LOC400499: variants seen among roughly 807,000 people sequenced by gnomAD.
At chr16:11,488,939 A>C in the LOC400499 span, 6 of 397,406 alleles carry the variant, frequency 1.5e-5, no homozygotes, top group Non-Finnish European at 2.7e-5. Flanking sequence ...TCCAGAGAAA[A>C]GACCCTCCCG....
At chr16:11,498,501 ATAAT>A in the LOC400499 span, among the ~76,000 whole-genome samples, 42 of 151,966 alleles carry the variant, frequency 2.8e-4, 1 homozygote, top group Admixed American at 1.5e-3. Context: ...TAATGATTAA[ATAAT>A]TAAATAAATA....
the LOC400499 span, chr16:11,502,192 A>AG: frequency 1.5e-5 from 6 of 398,916 alleles, no homozygotes; most frequent in African/African-American, 4.1e-5. Flanking sequence ...TGCGATTCAG[A>AG]GGGGGCAGCA....
the LOC400499 span, among the ~76,000 whole-genome samples, chr16:11,454,120 C>G: frequency 6.6e-6 from 1 of 152,176 alleles, no homozygotes; most frequent in African/African-American, 2.4e-5. Context: ...GGGTCACATA[C>G]AAAAGATGAT....
the LOC400499 span, chr16:11,494,569 C>A: frequency 2.5e-6 from 1 of 392,604 alleles, no homozygotes; most frequent in East Asian, 3.6e-5. Context: ...CACTGGATGT[C>A]CTCACCTTGT....
the LOC400499 span, chr16:11,401,540 C>A: frequency 2.5e-6 from 1 of 398,114 alleles, no homozygotes; most frequent in African/African-American, 2.1e-5. Flanking sequence ...AAACCCCATC[C>A]CTGTGCAAGG....
At chr16:11,399,099 G>C in the LOC400499 span, 167 of 510,816 alleles carry the variant, frequency 3.3e-4, 4 homozygotes, top group East Asian at 0.018. Flanking sequence ...AACAGTGCTC[G>C]GCCCCATGAG....
chr16:11,413,073 T>G, the LOC400499 span: 3 of 396,078 alleles, frequency 7.6e-6, no homozygotes, highest in Non-Finnish European at 1.3e-5. Flanking sequence ...AAGCCCAGCA[T>G]GGCCTGGCTC....
chr16:11,515,589 G>T, the LOC400499 span, among the ~76,000 whole-genome samples: 1 of 151,410 alleles, frequency 6.6e-6, no homozygotes, highest in Non-Finnish European at 1.5e-5. Context: ...GGAAGGGGAA[G>T]GGAGGAGAGG....
the LOC400499 span, chr16:11,414,299 A>G: frequency 1.5e-5 from 6 of 399,166 alleles, no homozygotes; most frequent in African/African-American, 1.0e-4. Flanking sequence ...TTGGACAGAG[A>G]GAACAGAATG....
At chr16:11,437,632 C>T in the LOC400499 span, among the ~76,000 whole-genome samples, 4 of 152,164 alleles carry the variant, frequency 2.6e-5, no homozygotes, top group African/African-American at 9.7e-5. Flanking sequence ...CTTTGGAAGG[C>T]TGGGGCAGGC....
chr16:11,398,165 A>G, the LOC400499 span, among the ~76,000 whole-genome samples: 318 of 152,270 alleles, frequency 2.1e-3, 2 homozygotes, highest in African/African-American at 7.5e-3. Flanking sequence ...CAGATGAAAC[A>G]CCAGAGGCTC....
chr16:11,441,843 T>C, the LOC400499 span, among the ~76,000 whole-genome samples: 1 of 152,242 alleles, frequency 6.6e-6, no homozygotes, highest in Non-Finnish European at 1.5e-5. Context: ...ACAACCCTGC[T>C]AATACCTTGA....
chr16:11,408,095 G>A, the LOC400499 span, among the ~76,000 whole-genome samples: 5 of 145,806 alleles, frequency 3.4e-5, no homozygotes, highest in Non-Finnish European at 5.9e-5. Context: ...TGATTCTTCT[G>A]CCTCAGCCTC....
At chr16:11,463,670 G>A in the LOC400499 span, among the ~76,000 whole-genome samples, 1 of 152,144 alleles carries the variant, frequency 6.6e-6, no homozygotes. Context: ...GATGTGTATG[G>A]ATGTGTGTGT....
chr16:11,391,750 G>C, the LOC400499 span: 5 of 1,232,062 alleles, frequency 4.1e-6, no homozygotes, highest in East Asian at 3.2e-5. Flanking sequence ...GCCTGGCTCC[G>C]GGCCCACAAA....
chr16:11,505,750 G>A, the LOC400499 span, among the ~76,000 whole-genome samples: 3 of 151,832 alleles, frequency 2.0e-5, no homozygotes, highest in South Asian at 6.3e-4. Flanking sequence ...TGCCCGGCCT[G>A]TTTACTTGTT....
the LOC400499 span, among the ~76,000 whole-genome samples, chr16:11,466,622 C>G: frequency 6.6e-6 from 1 of 152,096 alleles, no homozygotes; most frequent in African/African-American, 2.4e-5. Flanking sequence ...CTCCTGACCT[C>G]AGGTGAGCCA....
At chr16:11,524,623 G>C in the LOC400499 span, among the ~76,000 whole-genome samples, 2 of 152,122 alleles carry the variant, frequency 1.3e-5, no homozygotes, top group Non-Finnish European at 2.9e-5. Flanking sequence ...CCATCGAAGG[G>C]GCAGAGGACA....
chr16:11,452,674 T>G, the LOC400499 span, among the ~76,000 whole-genome samples: 4 of 152,236 alleles, frequency 2.6e-5, no homozygotes, highest in African/African-American at 7.2e-5. Flanking sequence ...AGTCTTTCCA[T>G]GAGGACAGGG....
Sources: gnomAD v4.1 joint callset for allele counts (sites outside exome capture counted in the v4.1 genomes callset) on GRCh38, gnomAD v4.1.1 for gene constraint, MANE v1.5 for transcripts.